Variants in SPRTN observed in about 807,000 individuals in gnomAD.
SPRTN encodes DNA-dependent metalloprotease SPRTN.
In SPRTN, 11 loss-of-function variants were observed where a neutral mutation model predicts 31.9. That is an observed-to-expected ratio of 0.34 (90% CI 0.22 to 0.57). The LOEUF (loss-of-function observed/expected upper bound fraction) is 0.57. Among genes scored for constraint, SPRTN ranks in the 20% least tolerant of loss-of-function variants. The probability of loss-of-function intolerance (pLI) is 0.86; values close to 1 mark genes in which losing one functional copy is unlikely to be tolerated. For missense variants in SPRTN, 482 were observed against 590.1 expected (o/e 0.82, Z 1.90); for synonymous variants, 185 against 212.1 (o/e 0.87, Z 1.11).
In SPRTN at chr1:231,353,679, T is replaced by C. The variant is rs115594622; in HGVS notation, c.*318T>C. On this transcript the variant is annotated 3_prime_UTR_variant, in exon 5 of 5. Transcript: ENST00000295050. The stretch of plus-strand genomic sequence containing the variant: ...TGTTAATCTTTTTATTTGTATACTT[T>C]CCTAAAAATATTCATATGGGGAATC... 6.8e-3 allele frequency: 6,897 copies of C among 1,007,458 alleles called. 352 individuals are homozygous for C. The African/African-American group carries it at 0.11, about 16-fold the overall frequency. The allele number at this position is 1,007,458 out of a possible 1,614,324, so 62.4% of individuals were successfully genotyped here.
chr1:231,351,752 T>A, intron 4 of SPRTN, 181 bp downstream of exon 4: 1 of 1,415,752 alleles, frequency 7.1e-7, no homozygotes, highest in Non-Finnish European at 9.2e-7. Flanking sequence ...GAAAACAGAC[T>A]TTGCTCTGTA....
chr1:231,347,565 T>C (rs1210970618), intron 2 of SPRTN: 2 of 421,600 alleles, frequency 4.7e-6, no homozygotes, highest in Non-Finnish European at 8.4e-6. Context: ...GGTTTCGCCA[T>C]GTTGCCCAGG....
Position 231,352,804 on chromosome 1 carries a change from G to C in SPRTN, c.913G>C (p.Glu305Gln). Residue 305 changes from glutamate (E) to glutamine (Q), a missense_variant, in exon 5 of 5, where the codon GAA (glutamate) becomes CAA (glutamine). By Grantham distance (29) the Glu-to-Gln change is conservative (BLOSUM62 2). Transcript: ENST00000295050. ...TAATTCTAAAATCAAGGTGAAATTT[G>C]AACAGAATGGTTCAAGTAAAAATTC... is the stretch of plus-strand genomic sequence containing the variant. ...RPNSKIKVKF[E>Q]QNGSSKNSHL... is the part of the protein sequence containing the mutation. 1.2e-6 allele frequency: 2 copies of C among 1,613,794 alleles called. No individual in the cohort carries two copies.
intron 2 of SPRTN, 57 bp from the exon 3 acceptor site, chr1:231,347,740 A>G: frequency 6.5e-7 from 1 of 1,543,072 alleles, no homozygotes; most frequent in Non-Finnish European, 8.7e-7. Flanking sequence ...AAGAAAATTT[A>G]TATTTTCCAA....
chr1:231,352,349 G>C, intron 4 of SPRTN: 1 of 1,150,714 alleles, frequency 8.7e-7, no homozygotes, highest in Non-Finnish European at 1.1e-6. Flanking sequence ...GGTAAATGTT[G>C]CCTTGTTGTT....
intron 2 of SPRTN, among the ~76,000 whole-genome samples, chr1:231,341,264 A>G (rs901071314): frequency 6.6e-6 from 1 of 152,102 alleles, no homozygotes; most frequent in African/African-American, 2.4e-5. Context: ...AACACTTAAA[A>G]GCAGAAAACT....
chr1:231,338,408 C>T lies in SPRTN; in HGVS notation c.25C>T (p.Leu9=), dbSNP rs376873462. The stretch of plus-strand genomic sequence containing the variant: ...GATGGATGATGACTTGATGTTGGCA[C>T]TGCGGCTTCAGGAGGAGTGGAACTT... MDDDLMLA[L]RLQEEWNLQE... is the part of the protein sequence containing the mutation. Residue 9 remains leucine, a synonymous_variant, in exon 1 of 5, where the codon CTG becomes TTG. Transcript: ENST00000295050. 10 of 1,614,158 alleles carry T rather than the reference C, an allele frequency of 6.2e-6. No individual in the cohort carries two copies. In the African/African-American group the frequency reaches 1.1e-4, roughly 17 times the overall value.
In SPRTN at chr1:231,339,806, ATG is replaced by A. The variant is rs771522308; in HGVS notation, c.263_264del (p.Cys88PhefsTer24). The A allele has an allele frequency of 1.2e-6, 2 of 1,614,110 alleles. No homozygotes were observed. The highest frequency in any genetic ancestry group is 8.5e-7 in the Non-Finnish European group (1 of 1,179,996). Reference sequence around the variant, plus strand: ...ATGCAGCTATGAAGGGAAGGGTGGAATGTGTTCCATCCGTCTCAGCGAACCCC... The same window carrying A: ...ATGCAGCTATGAAGGGAAGGGTGGAATGTTCCATCCGTCTCAGCGAACCCC... ...GICSYEGKGG[M>X]CSIRLSEPLL... On this transcript the variant is annotated frameshift_variant, in exon 2 of 5. Coordinates refer to ENST00000295050, the MANE Select transcript of SPRTN (RefSeq NM_032018.7). LOFTEE classifies it high-confidence loss of function.
chr1:231,351,706 A>C (rs1298576162), intron 4 of SPRTN, 135 bp downstream of exon 4: 1 of 1,469,832 alleles, frequency 6.8e-7, no homozygotes, highest in Non-Finnish European at 8.9e-7. Context: ...GTGTAGACTT[A>C]AGGAAAAAAT....
intron 2 of SPRTN, 165 bp from the exon 3 acceptor site, chr1:231,347,632 G>T: frequency 1.3e-6 from 1 of 769,818 alleles, no homozygotes; most frequent in Non-Finnish European, 1.9e-6. Context: ...CCAAAGTGTT[G>T]GGATTACAGG....
At position 231,347,398 on chromosome 1, in the gene SPRTN, C is replaced by T. The variant is rs563191163; in HGVS notation, c.322-399C>T. ...TTTGTGAGACAGTGTCTCATTCTGT[C>T]CCCCAGGCTGGAGTGCAGTGGCACA... is the stretch of plus-strand genomic sequence containing the variant. On this transcript the variant is annotated intron_variant, in intron 2 of 4. Coordinates refer to ENST00000295050, the MANE Select transcript of SPRTN (RefSeq NM_032018.7). Among the ~76,000 whole-genome samples, 4 of 152,170 alleles carry T rather than the reference C, an allele frequency of 2.6e-5. No homozygotes were observed. The East Asian group carries it at 5.8e-4, about 22-fold the overall frequency.
Position 231,353,126 on chromosome 1 carries a change from A to C in SPRTN, c.1235A>C (p.Glu412Ala). 2 of 1,612,460 alleles carry C rather than the reference A, an allele frequency of 1.2e-6. No individual in the cohort carries two copies. Among genetic ancestry groups the C allele is most frequent in the Non-Finnish European group, 1.7e-6 (2 of 1,179,500 alleles). Residue 412 changes from glutamate to alanine, a missense_variant, in exon 5 of 5, where the codon GAA (glutamate) becomes GCA (alanine). Coordinates refer to ENST00000295050, the MANE Select transcript of SPRTN (RefSeq NM_032018.7). ...DTFPNKRPRL[E>A]DKTVFDNFFI... Reference sequence around the variant, plus strand: ...TTCCCAAATAAACGACCTAGGCTAGAAGATAAGACTGTTTTTGACAATTTT... The same window carrying C: ...TTCCCAAATAAACGACCTAGGCTAGCAGATAAGACTGTTTTTGACAATTTT...
At chr1:231,352,289 C>T in intron 4 of SPRTN, 1 of 1,044,508 alleles carries the variant, frequency 9.6e-7, no homozygotes, top group Admixed American at 5.1e-5. Context: ...AATGAGGCAG[C>T]AGATTTTCCC....
chr1:231,339,727 A>G (rs1686806137), intron 1 of SPRTN, 42 bp from the exon 2 acceptor site: 1 of 1,601,926 alleles, frequency 6.2e-7, no homozygotes, highest in African/African-American at 1.3e-5. Flanking sequence ...ACTTGGGCAT[A>G]TTTGGCCAAT....
Position 231,338,298 on chromosome 1 carries a change from T to C in SPRTN, c.-86T>C. 1 of 1,459,336 alleles carries C rather than the reference T, an allele frequency of 6.9e-7. No homozygotes were observed. The highest frequency in any genetic ancestry group is 9.4e-7 in the Non-Finnish European group (1 of 1,058,968). 90.4% of individuals were successfully genotyped at this position (1,459,336 alleles called of 1,614,324 possible). ...GCCGGCATCTCCTAGGAGCTAGTCC[T>C]GGTCCTCGGCTAGGCGGCTTGGGGT... is the stretch of plus-strand genomic sequence containing the variant. On this transcript the variant is annotated 5_prime_UTR_variant, in exon 1 of 5. Coordinates refer to ENST00000295050, the MANE Select transcript of SPRTN (RefSeq NM_032018.7).
rs759219849 is a variant in SPRTN at position 231,352,757 on chromosome 1, A to G, written c.866A>G (p.His289Arg). ...NKTQDLLNQNHSANAVRPNSK... is the reference protein window; with the variant it reads ...NKTQDLLNQNRSANAVRPNSK... ...ACCCAAGATCTTTTAAATCAAAACC[A>G]TTCAGCAAATGCTGTAAGACCTAAT... Residue 289 changes from histidine to arginine, a missense_variant, in exon 5 of 5, where the codon CAT (histidine) becomes CGT (arginine). Physicochemically the swap from His to Arg is conservative, Grantham distance 29. Around this residue, in one of 2 missense-constraint regions of SPRTN, gnomAD observed 325 missense variants for 350.2 expected, o/e 0.93. Transcript: ENST00000295050. The G allele has an allele frequency of 3.7e-6, 6 of 1,614,170 alleles. No individual in the cohort carries two copies. Among genetic ancestry groups the G allele is most frequent in the Middle Eastern group, 1.6e-4 (1 of 6,062 alleles).
At chr1:231,343,915 G>A (rs1686975615) in intron 2 of SPRTN, among the ~76,000 whole-genome samples, 2 of 151,986 alleles carry the variant, frequency 1.3e-5, no homozygotes, top group South Asian at 4.1e-4. Flanking sequence ...GACAACTGGG[G>A]GCATATTTAG....
intron 2 of SPRTN, among the ~76,000 whole-genome samples, chr1:231,347,416 G>T (rs1687092441): frequency 6.6e-6 from 1 of 152,172 alleles, no homozygotes; most frequent in Non-Finnish European, 1.5e-5. Context: ...CTGGAGTGCA[G>T]TGGCACAATC....
intron 2 of SPRTN, among the ~76,000 whole-genome samples, chr1:231,347,381 A>T (rs1170496585): frequency 6.6e-6 from 1 of 152,024 alleles, no homozygotes; most frequent in Admixed American, 6.6e-5. Flanking sequence ...TTTTTGTGAG[A>T]CAGTGTCTCA....
Sources: gnomAD v4.1 joint callset for allele counts (sites outside exome capture counted in the v4.1 genomes callset) on GRCh38, gnomAD v4.1.1 for gene constraint, gnomAD v4.1.1 regional missense constraint, MANE v1.5 for transcripts, NCBI Gene and HGNC (gene_info 2026-07-23, HGNC 2026-07-21) for gene names.